RBFOX1: variants seen among roughly 807,000 people sequenced by gnomAD.
RBFOX1 encodes the protein RNA binding fox-1 homolog 1.
In RBFOX1, 8 loss-of-function variants were observed where a neutral mutation model predicts 57.7. That is an observed-to-expected ratio of 0.14 (90% CI 0.08 to 0.25). The LOEUF (loss-of-function observed/expected upper bound fraction) is 0.25, where lower values mean the gene tolerates loss of function less well. RBFOX1 is among the 10% of genes least tolerant of loss of function. RBFOX1 has a pLI of 1.00. For missense variants in RBFOX1, 611 were observed against 548.5 expected (o/e 1.11, Z -1.14); for synonymous variants, 326 against 222.4 (o/e 1.47, Z -4.15).
chr16:6,769,975 C>A (rs1452917711), intron 3 of RBFOX1, among the ~76,000 whole-genome samples: 1 of 152,096 alleles, frequency 6.6e-6, no homozygotes, highest in East Asian at 1.9e-4. Flanking sequence ...CTGCAGGCTA[C>A]AGGTCCTTTA....
chr16:7,314,818 AC>A (rs1332918656), intron 4 of RBFOX1, among the ~76,000 whole-genome samples: 1 of 152,184 alleles, frequency 6.6e-6, no homozygotes, highest in African/African-American at 2.4e-5. Context: ...TGATCTTTAA[AC>A]AAAGGGGTTT....
chr16:5,566,640 G>GTGTGTATATA (rs950767671), intron 2 of RBFOX1, among the ~76,000 whole-genome samples: 1 of 146,058 alleles, frequency 6.8e-6, no homozygotes, highest in African/African-American at 2.6e-5. Flanking sequence ...ATGTGTATAT[G>GTGTGTATATA]TGTGTATATA....
At chr16:5,468,958 C>T (rs2069042565) in intron 2 of RBFOX1, among the ~76,000 whole-genome samples, 1 of 152,220 alleles carries the variant, frequency 6.6e-6, no homozygotes, top group Non-Finnish European at 1.5e-5. Flanking sequence ...GAGAACAGAA[C>T]ATATTTATAC....
At chr16:6,457,446 C>CCCA (rs764092740) in intron 2 of RBFOX1, among the ~76,000 whole-genome samples, 1 of 131,738 alleles carries the variant, frequency 7.6e-6, no homozygotes, top group East Asian at 2.5e-4. Context: ...AGTCCCCCCC[C>CCCA]CCGCAATAGC....
chr16:6,580,792 G>C (rs918435315), intron 2 of RBFOX1, among the ~76,000 whole-genome samples: 1 of 152,046 alleles, frequency 6.6e-6, no homozygotes, highest in South Asian at 2.1e-4. Context: ...TTTAGATTCA[G>C]ACACAGATTC....
At chr16:5,730,391 C>T (rs1020417562) in intron 3 of RBFOX1, among the ~76,000 whole-genome samples, 3 of 152,010 alleles carry the variant, frequency 2.0e-5, no homozygotes, top group African/African-American at 7.2e-5. Flanking sequence ...AGCACCGTCT[C>T]CCTGAGAGGG....
rs2050215567 is a variant in RBFOX1 at position 5,677,935 on chromosome 16, T to C, written c.318+78974T>C. ...AGATTGTTAAAGAGCTTTGCTTTTA[T>C]TCCATGAGCCGAAATGTGTTCTATG... On this transcript the variant is annotated intron_variant, in intron 3 of 19. Transcript: ENST00000641259. Among the ~76,000 whole-genome samples the C allele has an allele frequency of 2.0e-5, 3 of 152,208 alleles. No individual in the cohort carries two copies. The East Asian group carries it at 5.8e-4, about 29-fold the overall frequency.
At chr16:5,507,225 C>T (rs2151712305) in intron 2 of RBFOX1, among the ~76,000 whole-genome samples, 1 of 152,264 alleles carries the variant, frequency 6.6e-6, no homozygotes, top group South Asian at 2.1e-4. Context: ...ACCACTGCGG[C>T]CACCATGACT....
At chr16:6,192,262 G>A (rs888894990) in intron 1 of RBFOX1, among the ~76,000 whole-genome samples, 4 of 152,162 alleles carry the variant, frequency 2.6e-5, no homozygotes, top group Non-Finnish European at 5.9e-5. Context: ...CCTATTATCT[G>A]TAGGGTGGCT....
chr16:7,286,326 C>G (rs1322146997), intron 4 of RBFOX1, among the ~76,000 whole-genome samples: 1 of 152,078 alleles, frequency 6.6e-6, no homozygotes, highest in Non-Finnish European at 1.5e-5. Flanking sequence ...CATCATGTGG[C>G]TTTGCAGGAT....
At chr16:6,677,627 A>G (rs1568173161) in intron 3 of RBFOX1, among the ~76,000 whole-genome samples, 1 of 152,230 alleles carries the variant, frequency 6.6e-6, no homozygotes, top group Non-Finnish European at 1.5e-5. Context: ...AAATCTCATT[A>G]AAAGTATATT....
intron 3 of RBFOX1, among the ~76,000 whole-genome samples, chr16:6,900,175 T>G (rs1175546009): frequency 1.3e-5 from 2 of 152,220 alleles, no homozygotes; most frequent in Non-Finnish European, 2.9e-5. Flanking sequence ...CATGTTCTTA[T>G]GCTGAGCCTG....
chr16:5,642,551 G>A (rs1386978382), intron 3 of RBFOX1, among the ~76,000 whole-genome samples: 1 of 152,160 alleles, frequency 6.6e-6, no homozygotes, highest in Non-Finnish European at 1.5e-5. Flanking sequence ...ACATAAGCAA[G>A]TGCTTATTCC....
At chr16:7,498,287 A>G (rs575501541) in intron 4 of RBFOX1, among the ~76,000 whole-genome samples, 2 of 152,270 alleles carry the variant, frequency 1.3e-5, no homozygotes, top group South Asian at 2.1e-4. Flanking sequence ...GGTGGCTTCA[A>G]ATTTAAATAG....
intron 3 of RBFOX1, among the ~76,000 whole-genome samples, chr16:6,772,742 G>C (rs1023482206): frequency 2.7e-5 from 4 of 150,350 alleles, no homozygotes; most frequent in Non-Finnish European, 5.9e-5. Context: ...GTGTGGGTTT[G>C]GAGTGCATTT....
intron 1 of RBFOX1, among the ~76,000 whole-genome samples, chr16:5,302,791 C>A (rs116838672): frequency 6.6e-6 from 1 of 152,110 alleles, no homozygotes; most frequent in Admixed American, 6.6e-5. Context: ...AAGTGTTTCC[C>A]GCCTTTTTTA....
chr16:5,744,938 A>G (rs2052917178), intron 3 of RBFOX1, among the ~76,000 whole-genome samples: 1 of 151,886 alleles, frequency 6.6e-6, no homozygotes, highest in Non-Finnish European at 1.5e-5. Flanking sequence ...ACGCCTGGCT[A>G]ATTTTTGTAT....
chr16:5,321,080 G>A (rs2064389831), intron 1 of RBFOX1, among the ~76,000 whole-genome samples: 1 of 152,178 alleles, frequency 6.6e-6, no homozygotes, highest in Non-Finnish European at 1.5e-5. Context: ...TTGCATCCAA[G>A]CACTGGAGAC....
chr16:6,971,090 G>A (rs2085429750), intron 3 of RBFOX1, among the ~76,000 whole-genome samples: 1 of 152,162 alleles, frequency 6.6e-6, no homozygotes, highest in South Asian at 2.1e-4. Context: ...TTTCCTGATT[G>A]GATGGTAGTT....
Sources: allele counts gnomAD v4.1 joint callset (sites outside exome capture counted in the v4.1 genomes callset), GRCh38; gene constraint gnomAD v4.1.1; transcripts MANE v1.5; gene names NCBI Gene and HGNC (gene_info 2026-07-23, HGNC 2026-07-21).